OTUD7A: variants seen among roughly 807,000 people sequenced by gnomAD.
The protein encoded by OTUD7A is OTU deubiquitinase 7A.
OTUD7A carries 12 observed loss-of-function variants against 65.7 expected under a neutral mutation model. The observed-to-expected ratio is 0.18, with a 90% CI of 0.12 to 0.30. The LOEUF (loss-of-function observed/expected upper bound fraction) is 0.30. Among genes scored for constraint, OTUD7A ranks in the 10% least tolerant of loss-of-function variants. The pLI, the probability that OTUD7A is intolerant of heterozygous loss-of-function variation, is 1.00. For synonymous variants in OTUD7A, 641 were observed against 586.3 expected, an observed-to-expected ratio of 1.09 and a Z score of -1.35; for missense variants, 1,148 against 1,304.8, an observed-to-expected ratio of 0.88 and a Z score of 1.85.
chr15:31,580,112 G>A (rs1168598293), intron 3 of OTUD7A, among the ~76,000 whole-genome samples: 1 of 152,222 alleles, frequency 6.6e-6, no homozygotes, highest in African/African-American at 2.4e-5. Flanking sequence ...ATCCAGCAGG[G>A]TGAGCAGGGA....
At chr15:31,518,203 G>A (rs1045748806) in intron 8 of OTUD7A, among the ~76,000 whole-genome samples, 1 of 152,142 alleles carries the variant, frequency 6.6e-6, no homozygotes, top group Non-Finnish European at 1.5e-5. Context: ...GCCAGGTGTG[G>A]TGGTTCACAC....
At chr15:31,844,380 C>T (rs931152037) in intron 1 of OTUD7A, among the ~76,000 whole-genome samples, 6 of 152,228 alleles carry the variant, frequency 3.9e-5, no homozygotes, top group African/African-American at 1.4e-4. Flanking sequence ...GCCTGTAATC[C>T]CAGCTACTCA....
At chr15:31,526,486 A>AG (rs1196680190) in intron 7 of OTUD7A, 25 bp from the exon 8 acceptor site, 1 of 1,532,604 alleles carries the variant, frequency 6.5e-7, no homozygotes. Context: ...CCGGCTCAGA[A>AG]GGGGGGTGGG....
intron 1 of OTUD7A, among the ~76,000 whole-genome samples, chr15:31,689,671 T>C (rs2141316272): frequency 6.6e-6 from 1 of 152,296 alleles, no homozygotes; most frequent in Non-Finnish European, 1.5e-5. Context: ...TGAATCCCAC[T>C]CCCAACACAC....
intron 3 of OTUD7A, among the ~76,000 whole-genome samples, chr15:31,639,132 C>T (rs1891436765): frequency 6.6e-6 from 1 of 152,240 alleles, no homozygotes. Context: ...AAAAAGATTC[C>T]TCAGCTGCTT....
Position 31,484,266 on chromosome 15 carries a change from C to G in OTUD7A, c.1830G>C (p.Lys610Asn). 6.3e-7 allele frequency: 1 copy of G among 1,594,894 alleles called. No homozygotes were observed. Among genetic ancestry groups the G allele is most frequent in the Non-Finnish European group, 8.5e-7 (1 of 1,174,140 alleles). Residue 610 changes from lysine (K) to asparagine (N), a missense_variant, in exon 13 of 13, where the codon AAG becomes AAC. By Grantham distance (94) the Lys-to-Asn change is moderately conservative. This residue lies in a region of OTUD7A where 842 missense variants were observed against 769.5 expected (regional missense o/e 1.09). Transcript: ENST00000307050. The surrounding 1 kb of genome is among the most constrained non-coding windows in gnomAD (Gnocchi z 4.5). ...DKAAGASPAE[K>N]GGGPRGDAWK... ...AGGCGTCGCCCCGCGGCCCACCGCC[C>G]TTCTCCGCCGGCGACGCGCCCGCTG...
chr15:31,614,132 G>T (rs983785935), intron 3 of OTUD7A, among the ~76,000 whole-genome samples: 1 of 152,078 alleles, frequency 6.6e-6, no homozygotes, highest in Non-Finnish European at 1.5e-5. Flanking sequence ...TGATACAATG[G>T]ACTTGTGGAC....
intron 1 of OTUD7A, among the ~76,000 whole-genome samples, chr15:31,839,131 G>T (rs933400456): frequency 6.6e-6 from 1 of 152,140 alleles, no homozygotes; most frequent in African/African-American, 2.4e-5. Flanking sequence ...TCAGGGCCAG[G>T]TTCCTCTGGC....
Position 31,484,559 on chromosome 15 carries a change from C to T in OTUD7A, c.1537G>A (p.Asp513Asn), listed in dbSNP as rs1595549363. ...KEKEKQRKEK[D>N]KTRADSVANK... ...GCCACGGAGTCGGCGCGCGTCTTGT[C>T]CTTCTCCTTGCGCTGCTTCTCCTTC... The change falls in exon 13 of 13, where the codon GAC becomes AAC. Residue 513 changes from aspartate to asparagine, a missense_variant. This residue lies in a region of OTUD7A where 842 missense variants were observed against 769.5 expected (regional missense o/e 1.09). Transcript: ENST00000307050. The surrounding 1 kb of genome is among the most constrained non-coding windows in gnomAD (Gnocchi z 4.5). The T allele has an allele frequency of 3.7e-6, 6 of 1,611,578 alleles. No individual in the cohort carries two copies. The highest frequency in any genetic ancestry group is 5.1e-6 in the Non-Finnish European group (6 of 1,179,886).
At chr15:31,579,583 AT>A (rs955759921) in intron 3 of OTUD7A, among the ~76,000 whole-genome samples, 97 of 152,328 alleles carry the variant, frequency 6.4e-4, no homozygotes, top group African/African-American at 2.3e-3. Context: ...TTTAAAACTT[AT>A]GATTTCTGGA....
At chr15:31,703,177 A>G (rs1480335731) in intron 1 of OTUD7A, among the ~76,000 whole-genome samples, 3 of 152,122 alleles carry the variant, frequency 2.0e-5, no homozygotes, top group South Asian at 4.1e-4. Flanking sequence ...ATACGAGAAA[A>G]TCTTAGGGAT....
rs568400531 is a variant in OTUD7A at position 31,710,038 on chromosome 15, T to C, written c.-99-52961A>G. Among the ~76,000 whole-genome samples, 36 of 152,108 alleles carry C rather than the reference T, an allele frequency of 2.4e-4. No homozygotes were observed. The South Asian group carries it at 5.0e-3, about 21-fold the overall frequency. On this transcript the variant is annotated intron_variant, in intron 1 of 12. Transcript: ENST00000307050. Reference sequence around the variant, plus strand: ...GAAGTATAAACTGCATCCTGGGAGATAGAACAGAAGTGGGAAAAGAATACG... The same window carrying C: ...GAAGTATAAACTGCATCCTGGGAGACAGAACAGAAGTGGGAAAAGAATACG...
At chr15:31,641,593 T>C (rs117232486) in intron 3 of OTUD7A, among the ~76,000 whole-genome samples, 334 of 152,322 alleles carry the variant, frequency 2.2e-3, no homozygotes, top group Middle Eastern at 0.017. Context: ...TAACCCTTTA[T>C]TTAGGTTTTT....
At chr15:31,556,932 C>T (rs1017920283) in intron 5 of OTUD7A, 1 of 82,726 alleles carries the variant, frequency 1.2e-5, no homozygotes, top group Non-Finnish European at 2.3e-5. Flanking sequence ...TATTGCTAAT[C>T]TAGCTGAATT....
chr15:31,789,701 C>T (rs932809405), intron 1 of OTUD7A, among the ~76,000 whole-genome samples: 28 of 124,694 alleles, frequency 2.2e-4, no homozygotes, highest in African/African-American at 7.9e-4. Context: ...AAATCCAATG[C>T]TGCCCTTTTT....
rs1396078567 is a variant in OTUD7A, at chr15:31,677,241, A to C, written c.-99-20164T>G. 3.9e-5 allele frequency among the ~76,000 whole-genome samples: 6 copies of C among 152,290 alleles called. No homozygotes were observed. In the East Asian group the frequency reaches 1.2e-3, roughly 29 times the overall value. ...GATAGTAGAGCTGCTGGATGGGAGA[A>C]ATGTGGGTCCCTACATGATGGTGTG... On this transcript the variant is annotated intron_variant, in intron 1 of 12. Coordinates refer to ENST00000307050, the MANE Select transcript of OTUD7A (RefSeq NM_001382637.1).
At chr15:31,796,188 T>TTATCTATCTATCTATC (rs57720765) in intron 1 of OTUD7A, among the ~76,000 whole-genome samples, 4 of 146,798 alleles carry the variant, frequency 2.7e-5, no homozygotes, top group African/African-American at 1.0e-4. Flanking sequence ...TATCTATGCA[T>TTATCTATCTATCTATC]TATCTATCTA....
chr15:31,792,096 A>G (rs980870061), intron 1 of OTUD7A, among the ~76,000 whole-genome samples: 2 of 152,096 alleles, frequency 1.3e-5, no homozygotes, highest in African/African-American at 4.8e-5. Flanking sequence ...CCAAAAATCA[A>G]AGCCCTCCGC....
chr15:31,824,691 C>T (rs1490775131), intron 1 of OTUD7A, among the ~76,000 whole-genome samples: 1 of 152,202 alleles, frequency 6.6e-6, no homozygotes, highest in Non-Finnish European at 1.5e-5. Context: ...AAAGACTCTC[C>T]TAAGTTATAA....
Sources: gnomAD v4.1 joint callset for allele counts (sites outside exome capture counted in the v4.1 genomes callset) on GRCh38, gnomAD v4.1.1 for gene constraint, gnomAD v4.1.1 regional missense constraint, Gnocchi (gnomAD v3.1) non-coding constraint, MANE v1.5 for transcripts, NCBI Gene and HGNC (gene_info 2026-07-23, HGNC 2026-07-21) for gene names.